Variants in SH3PXD2B observed in about 807,000 individuals in gnomAD.
SH3PXD2B encodes the protein SH3 and PX domain-containing protein 2B.
Under a neutral mutation model 73.1 loss-of-function variants are expected in SH3PXD2B, and 37 were observed. The ratio of observed to expected loss-of-function variants is 0.51; its 90% CI spans 0.39 to 0.67. SH3PXD2B has a LOEUF of 0.67. SH3PXD2B is among the 30% of genes least tolerant of loss of function. The pLI is 0.00. For missense variants in SH3PXD2B, 1,053 were observed against 1,197.8 expected, an observed-to-expected ratio of 0.88 and a Z score of 1.78; for synonymous variants, 457 against 480.5, an observed-to-expected ratio of 0.95 and a Z score of 0.64.
chr5:172,331,459 G>A (rs1184997406), downstream of SH3PXD2B, among the ~76,000 whole-genome samples: 2 of 152,162 alleles, frequency 1.3e-5, no homozygotes, highest in Non-Finnish European at 2.9e-5. Context: ...TGATTAGGAA[G>A]CGTGAGTTGC....
At chr5:172,412,329 A>G (rs540668776) in intron 2 of SH3PXD2B, among the ~76,000 whole-genome samples, 1 of 152,292 alleles carries the variant, frequency 6.6e-6, no homozygotes, top group South Asian at 2.1e-4. Flanking sequence ...CCTGGTAGCT[A>G]TTGAGCAGGT....
At chr5:172,357,572 G>A (rs1287813936) in intron 8 of SH3PXD2B, among the ~76,000 whole-genome samples, 1 of 152,108 alleles carries the variant, frequency 6.6e-6, no homozygotes, top group East Asian at 1.9e-4. Context: ...TCTGTAAAAT[G>A]GGGACAGCAA....
chr5:172,416,954 C>G (rs1758841215), intron 2 of SH3PXD2B, among the ~76,000 whole-genome samples: 1 of 152,016 alleles, frequency 6.6e-6, no homozygotes, highest in Non-Finnish European at 1.5e-5. Flanking sequence ...AGTGATCTGT[C>G]TGCCTCAGCC....
At chr5:172,368,434 C>A (rs1757574053) in intron 6 of SH3PXD2B, among the ~76,000 whole-genome samples, 1 of 109,826 alleles carries the variant, frequency 9.1e-6, no homozygotes. Context: ...TGTTTTGGTG[C>A]AAGGGGAGCT....
In SH3PXD2B at chr5:172,408,354, A is replaced by G. The variant is rs1385471201; in HGVS notation, c.157-2002T>C. On this transcript the variant is annotated intron_variant, in intron 2 of 12. Coordinates refer to ENST00000311601, the MANE Select transcript of SH3PXD2B (RefSeq NM_001017995.3). ...ACAATCATGGCTCACTGCAGCCTCA[A>G]TCTCCCTGGGCTCAGGTGATCCTCC... Among the ~76,000 whole-genome samples the G allele has an allele frequency of 4.0e-5, 6 of 151,804 alleles. No individual in the cohort carries two copies. In the East Asian group the frequency reaches 9.6e-4, roughly 24 times the overall value.
At chr5:172,454,231 C>T (rs771100778) in intron 1 of SH3PXD2B, 47 bp downstream of exon 1, 1 of 1,543,846 alleles carries the variant, frequency 6.5e-7, no homozygotes, top group Non-Finnish European at 8.8e-7. Context: ...CGGTCGCCCC[C>T]GACGGGGCGC....
At position 172,436,449 on chromosome 5, in the gene SH3PXD2B, G is replaced by A. The variant is rs150602842; in HGVS notation, c.76-13953C>T. Reference sequence around the variant, plus strand: ...TGCCTGCTTCAGGCAGACAACAAAGGGTTCCAGGCCTTTAAAACATTTGAA... The same window carrying A: ...TGCCTGCTTCAGGCAGACAACAAAGAGTTCCAGGCCTTTAAAACATTTGAA... On this transcript the variant is annotated intron_variant, in intron 1 of 12. Coordinates refer to ENST00000311601, the MANE Select transcript of SH3PXD2B (RefSeq NM_001017995.3). 3.3e-4 allele frequency among the ~76,000 whole-genome samples: 51 copies of A among 152,320 alleles called. No homozygotes were observed. In the Middle Eastern group the frequency reaches 0.017, roughly 51 times the overall value.
At chr5:172,343,748 C>A (rs544837369) in intron 12 of SH3PXD2B, among the ~76,000 whole-genome samples, 1 of 151,306 alleles carries the variant, frequency 6.6e-6, no homozygotes, top group East Asian at 1.9e-4. Context: ...GAGGTTGCAG[C>A]GAGCCAAGAT....
At chr5:172,427,506 T>G (rs988299964) in intron 1 of SH3PXD2B, among the ~76,000 whole-genome samples, 3 of 152,068 alleles carry the variant, frequency 2.0e-5, no homozygotes, top group African/African-American at 7.2e-5. Flanking sequence ...CCATTATGCC[T>G]GGTTAATTTT....
chr5:172,410,131 C>T (rs998904733), intron 2 of SH3PXD2B, among the ~76,000 whole-genome samples: 1 of 152,220 alleles, frequency 6.6e-6, no homozygotes, highest in Non-Finnish European at 1.5e-5. Flanking sequence ...CTTAGATATA[C>T]TGATTTCCTT....
At chr5:172,350,329 C>T in intron 10 of SH3PXD2B, 34 bp downstream of exon 10, 2 of 1,607,266 alleles carry the variant, frequency 1.2e-6, no homozygotes, top group Non-Finnish European at 1.7e-6. Context: ...CACAGGGGCC[C>T]TGATTATCAG....
At chr5:172,362,943 G>A (rs568682437) in intron 6 of SH3PXD2B, 74 bp from the exon 7 acceptor site, 113 of 1,590,962 alleles carry the variant, frequency 7.1e-5, no homozygotes, top group African/African-American at 3.2e-4. Context: ...GCAGTAGGGC[G>A]GGTCAAGAGG....
chr5:172,380,915 C>T (rs1403464742), intron 5 of SH3PXD2B, among the ~76,000 whole-genome samples: 3 of 152,222 alleles, frequency 2.0e-5, no homozygotes, highest in African/African-American at 7.2e-5. Context: ...AGCAAACCAT[C>T]AGTCCTGAGT....
downstream of SH3PXD2B, among the ~76,000 whole-genome samples, chr5:172,332,173 TATG>T (rs547955920): frequency 7.5e-3 from 1,140 of 152,032 alleles, 5 homozygotes; most frequent in Non-Finnish European, 0.011. Flanking sequence ...CCAGTCCTGT[TATG>T]ATTAAGCACT....
Position 172,358,887 on chromosome 5 carries a change from C to T in SH3PXD2B, c.563-10G>A, listed in dbSNP as rs750305748. 3.2e-5 allele frequency: 52 copies of T among 1,612,978 alleles called. No homozygotes were observed. The highest frequency in any genetic ancestry group is 1.2e-4 in the South Asian group (11 of 90,848). On this transcript the variant is annotated splice_polypyrimidine_tract_variant and intron_variant, in intron 7 of 12. Transcript: ENST00000311601. ...CTGACGAACCACCAACCTGGGGAAG[C>T]AAGAGTGCAGAATGATGTTAGTTGC...
chr5:172,335,498 C>T lies in SH3PXD2B; in HGVS notation c.*2871G>A. ...CTTGGCCACTATTTGGACCTTCTCC[C>T]TCTGAACCTTAATTTTCTCACTATA... On this transcript the variant is annotated 3_prime_UTR_variant, in exon 13 of 13. Transcript: ENST00000311601. 1 of 1,231,564 alleles carries T rather than the reference C, an allele frequency of 8.1e-7. No homozygotes were observed. Among genetic ancestry groups the T allele is most frequent in the Non-Finnish European group, 1.0e-6 (1 of 987,926 alleles). 76.3% of individuals were successfully genotyped at this position (1,231,564 alleles called of 1,614,324 possible).
intron 3 of SH3PXD2B, among the ~76,000 whole-genome samples, chr5:172,405,889 G>A (rs1758544499): frequency 6.6e-6 from 1 of 152,158 alleles, no homozygotes; most frequent in Middle Eastern, 3.2e-3. Flanking sequence ...TTTTAGAGAT[G>A]GGAGAAACTG....
intron 1 of SH3PXD2B, among the ~76,000 whole-genome samples, chr5:172,441,222 G>A (rs939673941): frequency 1.3e-5 from 2 of 152,122 alleles, no homozygotes; most frequent in Admixed American, 6.5e-5. Flanking sequence ...ATTTAGAGAC[G>A]AAGAAGATAC....
rs116315801 is a variant in SH3PXD2B at position 172,363,037 on chromosome 5, C to T, written c.428-168G>A. ...TCATTGTTCTATTCATGTGCTTACT[C>T]AACCACCAAAATTGACCAAGTGCTA... is the stretch of plus-strand genomic sequence containing the variant. On this transcript the variant is annotated intron_variant, in intron 6 of 12. Coordinates refer to ENST00000311601, the MANE Select transcript of SH3PXD2B (RefSeq NM_001017995.3). 8.6e-3 allele frequency among the ~76,000 whole-genome samples: 1,315 copies of T among 152,300 alleles called. 14 individuals are homozygous for T. The highest frequency in any genetic ancestry group is 0.023 in the African/African-American group (948 of 41,560).
Sources: gnomAD v4.1 joint callset for allele counts (sites outside exome capture counted in the v4.1 genomes callset) on GRCh38, gnomAD v4.1.1 for gene constraint, MANE v1.5 for transcripts, NCBI Gene and HGNC (gene_info 2026-07-23, HGNC 2026-07-21) for gene names.